Variants in ABCG8 observed in about 807,000 individuals in gnomAD.
ABCG8 encodes the protein ATP-binding cassette sub-family G member 8.
In ABCG8, 81 loss-of-function variants were observed where a neutral mutation model predicts 71.3. The observed-to-expected ratio is 1.14, with a 90% CI of 0.95 to 1.37. The LOEUF (loss-of-function observed/expected upper bound fraction) is 1.37, where lower values mean the gene tolerates loss of function less well. Ranked by LOEUF, ABCG8 falls within the 40% of genes most tolerant of loss-of-function variation. ABCG8 has a pLI of 0.00. For missense variants in ABCG8, 1,119 were observed against 866.2 expected (o/e 1.29, Z -3.66); for synonymous variants, 451 against 354.7 (o/e 1.27, Z -3.05).
At chr2:43,865,406 T>C (rs1429688041) in intron 6 of ABCG8, among the ~76,000 whole-genome samples, 1 of 149,978 alleles carries the variant, frequency 6.7e-6, no homozygotes. Context: ...ACTCTCACTA[T>C]CTGTCTGGAT....
At position 43,880,548 on chromosome 2, in the gene ABCG8, A is replaced by C. The variant is rs1324845042; in HGVS notation, c.*2635A>C. On this transcript the variant is annotated 3_prime_UTR_variant, in exon 13 of 13. Coordinates refer to ENST00000272286, the MANE Select transcript of ABCG8 (RefSeq NM_022437.3). ...TCTCCAGAGAATCTGGGTTCCTCTT[A>C]GTGGAAAATGGTATTTAGAAGCCAA... The C allele has an allele frequency of 6.6e-6, 1 of 151,536 alleles. No individual in the cohort carries two copies. The highest frequency in any genetic ancestry group is 1.5e-5 in the Non-Finnish European group (1 of 67,868). The allele number at this position is 151,536 out of a possible 1,614,324, so 9.4% of individuals were successfully genotyped here.
rs1454475428 is a variant in ABCG8, at chr2:43,877,576, C to T, written c.1772C>T (p.Ser591Phe). ...SSLWTVPAWI[S>F]KVSFLRWCFE... Reference sequence around the variant, plus strand: ...CTGTCTCCAGTGCCCGCGTGGATTTCCAAAGTGTCCTTCCTGCGGTGGTGT... The same window carrying T: ...CTGTCTCCAGTGCCCGCGTGGATTTTCAAAGTGTCCTTCCTGCGGTGGTGT... Residue 591 changes from serine (S) to phenylalanine (F), a missense_variant, in exon 12 of 13, where the codon TCC (serine) becomes TTC (phenylalanine). Transcript: ENST00000272286. 2 of 1,613,914 alleles carry T rather than the reference C, an allele frequency of 1.2e-6. No homozygotes were observed. The highest frequency in any genetic ancestry group is 1.1e-5 in the South Asian group (1 of 91,070).
intron 6 of ABCG8, among the ~76,000 whole-genome samples, chr2:43,868,055 C>G (rs1558842011): frequency 6.6e-6 from 1 of 151,962 alleles, no homozygotes; most frequent in Non-Finnish European, 1.5e-5. Context: ...GGATAGAGCT[C>G]TCACTATCTA....
In ABCG8 at chr2:43,859,300, G is replaced by T. The variant is rs538167273; in HGVS notation, c.964+6432G>T. Among the ~76,000 whole-genome samples the T allele has an allele frequency of 5.3e-5, 8 of 151,578 alleles. No individual in the cohort carries two copies. In the East Asian group the frequency reaches 1.4e-3, roughly 26 times the overall value. ...GGATATAATTCTCACCCTCTGGATA[G>T]AATTCTCACTATCTGGATAGAATTC... On this transcript the variant is annotated intron_variant, in intron 6 of 12. Transcript: ENST00000272286.
rs920215057 is a variant in ABCG8, at chr2:43,880,092, G to A, written c.*2179G>A. 2.6e-5 allele frequency: 4 copies of A among 151,828 alleles called. No homozygotes were observed. The highest frequency in any genetic ancestry group is 2.1e-4 in the South Asian group (1 of 4,790). The allele number at this position is 151,828 out of a possible 1,614,324, so 9.4% of individuals were successfully genotyped here. A position where few individuals can be genotyped will look rare whatever the true frequency, so the allele number is the denominator to read the frequency against. On this transcript the variant is annotated 3_prime_UTR_variant, in exon 13 of 13. Transcript: ENST00000272286. ...TGATTTGGCCAGTGGGAACCCCGTC[G>A]AGCTGGCTTCTGCATCCTTTTGATA...
intron 10 of ABCG8, 93 bp from the exon 11 acceptor site, chr2:43,875,053 G>T (rs1669912038): frequency 1.3e-6 from 2 of 1,566,714 alleles, no homozygotes; most frequent in South Asian, 1.1e-5. Flanking sequence ...AGGAGGGAAG[G>T]TTGCTATCTG....
rs1446736244 is a variant in ABCG8, at chr2:43,839,006, G to T, written c.-48G>T. 3.3e-6 allele frequency: 5 copies of T among 1,537,668 alleles called. No individual in the cohort carries two copies. The highest frequency in any genetic ancestry group is 4.4e-6 in the Non-Finnish European group (5 of 1,135,810). On this transcript the variant is annotated 5_prime_UTR_variant, in exon 1 of 13. Coordinates refer to ENST00000272286, the MANE Select transcript of ABCG8 (RefSeq NM_022437.3). The stretch of plus-strand genomic sequence containing the variant: ...AAGACACTGGCCCTGGCAGGCAGCA[G>T]CTGGGTCTAAGAGAGCTGCAGCCCA...
Position 43,878,039 on chromosome 2 carries a change from C to T in ABCG8, c.*126C>T. On this transcript the variant is annotated 3_prime_UTR_variant, in exon 13 of 13. Transcript: ENST00000272286. Reference sequence around the variant, plus strand: ...CCTACAGATGCTCAGCTACATCCGGCCCAGGGTGCTGCAGTGGCACAGACC... The same window carrying T: ...CCTACAGATGCTCAGCTACATCCGGTCCAGGGTGCTGCAGTGGCACAGACC... 2 of 1,424,798 alleles carry T rather than the reference C, an allele frequency of 1.4e-6. No homozygotes were observed. The highest frequency in any genetic ancestry group is 1.9e-6 in the Non-Finnish European group (2 of 1,033,106). 88.3% of individuals were successfully genotyped at this position (1,424,798 alleles called of 1,614,324 possible). A position where few individuals can be genotyped will look rare whatever the true frequency, so the allele number is the denominator to read the frequency against.
chr2:43,853,188 A>G (rs1668987430), intron 6 of ABCG8, among the ~76,000 whole-genome samples: 1 of 152,220 alleles, frequency 6.6e-6, no homozygotes, highest in Non-Finnish European at 1.5e-5. Flanking sequence ...CAGACTCAGT[A>G]GGGAAACAAC....
chr2:43,851,663 C>G lies in ABCG8; in HGVS notation c.402C>G (p.Ile134Met). ...GGKIKSGQIW[I>M]NGQPSSPQLV... ...AGATCAAGTCAGGCCAGATCTGGAT[C>G]AATGGGCAGCCCAGCTCGCCTCAGC... is the stretch of plus-strand genomic sequence containing the variant. Residue 134 changes from isoleucine (I) to methionine (M), a missense_variant, in exon 4 of 13, where the codon ATC becomes ATG. Physicochemically the swap from Ile to Met is conservative, Grantham distance 10. Transcript: ENST00000272286. 6.2e-7 allele frequency: 1 copy of G among 1,614,238 alleles called. No homozygotes were observed. The highest frequency in any genetic ancestry group is 8.5e-7 in the Non-Finnish European group (1 of 1,180,052).
chr2:43,855,475 A>G (rs2104923839), intron 6 of ABCG8, among the ~76,000 whole-genome samples: 1 of 152,132 alleles, frequency 6.6e-6, no homozygotes, highest in African/African-American at 2.4e-5. Flanking sequence ...TCTGGATAGA[A>G]TTCTCACCAT....
intron 10 of ABCG8, 85 bp downstream of exon 10, chr2:43,874,568 T>C: frequency 3.5e-6 from 4 of 1,151,970 alleles, no homozygotes; most frequent in Non-Finnish European, 5.3e-6. Flanking sequence ...AAGGAAGGCT[T>C]TTCTGAACCA....
chr2:43,850,949 T>C (rs1002842437), intron 3 of ABCG8, among the ~76,000 whole-genome samples: 2 of 151,784 alleles, frequency 1.3e-5, no homozygotes, highest in African/African-American at 4.8e-5. Flanking sequence ...GTACCACTGA[T>C]GAAAAGAAGA....
intron 6 of ABCG8, among the ~76,000 whole-genome samples, chr2:43,858,452 A>G (rs1282942629): frequency 6.7e-6 from 1 of 149,502 alleles, no homozygotes; most frequent in African/African-American, 2.5e-5. Flanking sequence ...CTCACTATAT[A>G]TCTGGACAGA....
chr2:43,846,302 G>A lies in ABCG8; in HGVS notation c.313G>A (p.Gly105Arg). Residue 105 changes from glycine (G) to arginine (R), a missense_variant, in exon 3 of 13, where the codon GGG becomes AGG. Physicochemically the swap from Gly to Arg is moderately radical, Grantham distance 125. Coordinates refer to ENST00000272286, the MANE Select transcript of ABCG8 (RefSeq NM_022437.3). ...AAGTGGGCAGATGCTGGCCATCATA[G>A]GGAGCTCAGGTACCGGAAAGGCAAA... is the stretch of plus-strand genomic sequence containing the variant. Reference protein sequence around the residue: ...VRSGQMLAIIGSSGCGRASLL... With the variant: ...VRSGQMLAIIRSSGCGRASLL... 6.2e-7 allele frequency: 1 copy of A among 1,614,178 alleles called. No individual in the cohort carries two copies. The highest frequency in any genetic ancestry group is 8.5e-7 in the Non-Finnish European group (1 of 1,180,028).
chr2:43,875,373 C>A lies in ABCG8; in HGVS notation c.1716C>A (p.Leu572=). 1 of 1,614,126 alleles carries A rather than the reference C, an allele frequency of 6.2e-7. No individual in the cohort carries two copies. The highest frequency in any genetic ancestry group is 1.3e-5 in the African/African-American group (1 of 75,064). ...FSNALYNSFY[L]AGGFMINLSS... is the part of the protein sequence containing the mutation. ...ATGCCCTCTACAACTCCTTCTACCT[C>A]GCCGGGGGCTTCATGATAAACTTGA... The change falls in exon 11 of 13, where the codon CTC becomes CTA. Residue 572 remains leucine (L), a synonymous_variant. Transcript: ENST00000272286.
chr2:43,850,122 G>T (rs962743068), intron 3 of ABCG8, among the ~76,000 whole-genome samples: 15 of 152,134 alleles, frequency 9.9e-5, no homozygotes, highest in African/African-American at 3.6e-4. Flanking sequence ...TACTCAGGAG[G>T]CTGAGGCAGG....
At position 43,846,153 on chromosome 2, in the gene ABCG8, A is replaced by G; in HGVS notation, c.166-2A>G. On this transcript the variant is annotated splice_acceptor_variant, in intron 2 of 12. Transcript: ENST00000272286. LOFTEE classifies it high-confidence loss of function. The stretch of plus-strand genomic sequence containing the variant: ...AAGGAACCTTCTGATATCTCCCCAC[A>G]GGTGGACCTGGCCTCTCAGGTCCCT... 1 of 1,613,096 alleles carries G rather than the reference A, an allele frequency of 6.2e-7. No individual in the cohort carries two copies.
At chr2:43,864,624 C>G (rs1353311772) in intron 6 of ABCG8, among the ~76,000 whole-genome samples, 1 of 151,780 alleles carries the variant, frequency 6.6e-6, no homozygotes, top group Admixed American at 6.6e-5. Flanking sequence ...AGGTAGAATT[C>G]TCACTATGTG....
Sources: allele counts gnomAD v4.1 joint callset (sites outside exome capture counted in the v4.1 genomes callset), GRCh38; gene constraint gnomAD v4.1.1; transcripts MANE v1.5; gene names NCBI Gene and HGNC (gene_info 2026-07-23, HGNC 2026-07-21).